The following CEMIP2 variants were observed in gnomAD, a reference collection of about 807,000 sequenced individuals.
CEMIP2 encodes the protein cell migration inducing hyaluronidase 2.
Under a neutral mutation model 146.9 loss-of-function variants are expected in CEMIP2, and 79 were observed. The observed-to-expected ratio is 0.54, with a 90% CI of 0.45 to 0.65. The LOEUF is 0.65. Ranked by LOEUF, CEMIP2 falls within the 30% of genes least tolerant of loss-of-function variation. The pLI, the probability that CEMIP2 is intolerant of heterozygous loss-of-function variation, is 0.00. For synonymous variants in CEMIP2, 601 were observed against 606.3 expected (o/e 0.99, Z 0.13); for missense variants, 1,596 against 1,696.2 (o/e 0.94, Z 1.04).
In CEMIP2 at chr9:71,700,565, G is replaced by A. The variant is rs544858223; in HGVS notation, c.3377+77C>T. On this transcript the variant is annotated intron_variant, in intron 19 of 23. Coordinates refer to ENST00000377044, the MANE Select transcript of CEMIP2 (RefSeq NM_013390.3). ...ACATCAGCTGCTTCACTAAACAGCC[G>A]CGATGCTGAAGAACTAGCAATTTCA... is the stretch of plus-strand genomic sequence containing the variant. 59 of 1,444,572 alleles carry A rather than the reference G, an allele frequency of 4.1e-5. 1 individual carries two copies. Among genetic ancestry groups the A allele is most frequent in the East Asian group, 3.7e-4 (16 of 43,584 alleles). 89.5% of individuals were successfully genotyped at this position (1,444,572 alleles called of 1,614,324 possible). A position where few individuals can be genotyped will look rare whatever the true frequency, so the allele number is the denominator to read the frequency against.
intron 2 of CEMIP2, among the ~76,000 whole-genome samples, chr9:71,748,631 T>C (rs1824156493): frequency 6.6e-6 from 1 of 152,188 alleles, no homozygotes; most frequent in South Asian, 2.1e-4. Context: ...TTGGTTATTA[T>C]GAATCAGCAC....
Position 71,685,865 on chromosome 9 carries a change from AAGTC to A in CEMIP2, c.3852-23_3852-20del. 1 of 1,575,632 alleles carries A rather than the reference AAGTC, an allele frequency of 6.3e-7. No homozygotes were observed. The highest frequency in any genetic ancestry group is 1.7e-4 in the Middle Eastern group (1 of 5,990). On this transcript the variant is annotated intron_variant, in intron 22 of 23. Coordinates refer to ENST00000377044, the MANE Select transcript of CEMIP2 (RefSeq NM_013390.3). ...AATGGACCTGTATGTGAAATTTAGA[AAGTC>A]AGAGCCAATTTCAATCCTTCAGCAT...
intron 1 of CEMIP2, among the ~76,000 whole-genome samples, chr9:71,754,427 T>C (rs1230674088): frequency 6.6e-6 from 1 of 152,222 alleles, no homozygotes; most frequent in Non-Finnish European, 1.5e-5. Context: ...AGCACCATTT[T>C]AATAATTTCG....
At chr9:71,693,340 G>T (rs1472242382) in intron 21 of CEMIP2, among the ~76,000 whole-genome samples, 1 of 152,222 alleles carries the variant, frequency 6.6e-6, no homozygotes, top group Non-Finnish European at 1.5e-5. Context: ...CAGGCCACAT[G>T]CTGAGACCTG....
intron 1 of CEMIP2, among the ~76,000 whole-genome samples, chr9:71,767,197 G>GT (rs529375271): frequency 5.6e-4 from 86 of 152,282 alleles, no homozygotes; most frequent in African/African-American, 1.3e-3. Context: ...TTTTAAAGGT[G>GT]TTTTTTTAAC....
Position 71,745,534 on chromosome 9 carries a change from G to A in CEMIP2, c.518C>T (p.Thr173Ile), listed in dbSNP as rs1824062654. Residue 173 changes from threonine to isoleucine, a missense_variant, in exon 4 of 24, where the codon ACT becomes ATT. By Grantham distance (89) the Thr-to-Ile change is moderately conservative (BLOSUM62 -1). Coordinates refer to ENST00000377044, the MANE Select transcript of CEMIP2 (RefSeq NM_013390.3). ...GDNKDGSRNI[T>I]LRTHYILIQD... ...GATCAGGATGTAATGAGTCCTCAAA[G>A]TAATATTTCTGGATCCATCTTTATT... is the stretch of plus-strand genomic sequence containing the variant. 1 of 1,612,760 alleles carries A rather than the reference G, an allele frequency of 6.2e-7. No individual in the cohort carries two copies. The highest frequency in any genetic ancestry group is 1.1e-5 in the South Asian group (1 of 91,082).
intron 10 of CEMIP2, among the ~76,000 whole-genome samples, chr9:71,727,681 T>C (rs976473720): frequency 1.3e-5 from 2 of 152,356 alleles, no homozygotes; most frequent in South Asian, 2.1e-4. Flanking sequence ...TGTATAAATA[T>C]GAATATTTAG....
intron 13 of CEMIP2, among the ~76,000 whole-genome samples, chr9:71,717,642 T>C (rs17057142): frequency 0.049 from 7,495 of 152,224 alleles, 272 homozygotes; most frequent in Admixed American, 0.1. Flanking sequence ...TCCAGGTAGT[T>C]TTATTTAGCG....
rs1589152292 is a variant in CEMIP2 at position 71,732,113 on chromosome 9, A to T, written c.1563+238T>A. 2.0e-5 allele frequency among the ~76,000 whole-genome samples: 3 copies of T among 152,038 alleles called. No individual in the cohort carries two copies. In the South Asian group the frequency reaches 6.2e-4, roughly 31 times the overall value. On this transcript the variant is annotated intron_variant, in intron 7 of 23. Coordinates refer to ENST00000377044, the MANE Select transcript of CEMIP2 (RefSeq NM_013390.3). ...GTCTCTGTAATTGGTTCTTCCCAAT[A>T]TATTGATTTGACTCTTCATGGAACA...
intron 22 of CEMIP2, among the ~76,000 whole-genome samples, chr9:71,688,006 G>T (rs1822118729): frequency 6.6e-6 from 1 of 152,108 alleles, no homozygotes; most frequent in South Asian, 2.1e-4. Context: ...ACAGGTATGT[G>T]CCCACATACC....
chr9:71,684,891 T>C lies in CEMIP2; in HGVS notation c.*306A>G. The C allele has an allele frequency of 3.9e-6, 1 of 259,692 alleles. No individual in the cohort carries two copies. The highest frequency in any genetic ancestry group is 7.2e-6 in the Non-Finnish European group (1 of 138,442). 16.1% of individuals were successfully genotyped at this position (259,692 alleles called of 1,614,324 possible). A position where few individuals can be genotyped will look rare whatever the true frequency, so the allele number is the denominator to read the frequency against. ...AAGCCCCCACTCCACCCCACCCCAT[T>C]ATACAAAAAGTAAAAACATTGCTCA... On this transcript the variant is annotated 3_prime_UTR_variant, in exon 24 of 24. Transcript: ENST00000377044.
chr9:71,745,181 G>T lies in CEMIP2; in HGVS notation c.871C>A (p.Arg291Ser). ...TCCTGAAGCCGCCTGCTCTCATTGC[G>T]GTATTCATGGGTATCAAATCTCTCA... ...ESERFDTHEY[R>S]NESRRLQEFL... Residue 291 changes from arginine (R) to serine (S), a missense_variant, in exon 4 of 24, where the codon CGC (arginine) becomes AGC (serine). Arg to Ser is a moderately radical substitution (Grantham distance 110). Coordinates refer to ENST00000377044, the MANE Select transcript of CEMIP2 (RefSeq NM_013390.3). 6.2e-7 allele frequency: 1 copy of T among 1,614,036 alleles called. No individual in the cohort carries two copies. Among genetic ancestry groups the T allele is most frequent in the Non-Finnish European group, 8.5e-7 (1 of 1,179,996 alleles).
chr9:71,750,310 G>T lies in CEMIP2; in HGVS notation c.64C>A (p.Arg22Ser), dbSNP rs781265947. The change falls in exon 2 of 24, where the codon CGT becomes AGT. Residue 22 changes from arginine (R) to serine (S), a missense_variant. By Grantham distance (110) the Arg-to-Ser change is moderately radical. Transcript: ENST00000377044. ...CCTGGAACATAGCCAGATGGGTGAC[G>T]ACTATTTCCATTCTGAGGTTGGAGG... is the stretch of plus-strand genomic sequence containing the variant. The part of the protein sequence containing the change: ...AFLQPQNGNS[R>S]HPSGYVPGKV... The T allele has an allele frequency of 5.0e-6, 8 of 1,613,698 alleles. No individual in the cohort carries two copies. Among genetic ancestry groups the T allele is most frequent in the Non-Finnish European group, 6.8e-6 (8 of 1,179,990 alleles).
chr9:71,735,187 C>G (rs1823729584), intron 5 of CEMIP2, among the ~76,000 whole-genome samples, 193 bp from the exon 6 acceptor site: 1 of 152,066 alleles, frequency 6.6e-6, no homozygotes, highest in South Asian at 2.1e-4. Flanking sequence ...AGAGAGATCC[C>G]TGCCTTCAAG....
chr9:71,695,001 G>C (rs7038736), intron 20 of CEMIP2, among the ~76,000 whole-genome samples: 57,858 of 151,970 alleles, frequency 0.38, 11,078 homozygotes, highest in South Asian at 0.44. Context: ...AGATAACAAG[G>C]ACTACCCTGT....
At chr9:71,749,909 G>GT in intron 2 of CEMIP2, 134 bp downstream of exon 2, 1 of 673,268 alleles carries the variant, frequency 1.5e-6, no homozygotes, top group Non-Finnish European at 2.4e-6. Flanking sequence ...TTCATAAGAA[G>GT]TGACACCTCG....
chr9:71,736,905 G>A (rs922285331), intron 5 of CEMIP2, among the ~76,000 whole-genome samples: 3 of 152,106 alleles, frequency 2.0e-5, no homozygotes, highest in African/African-American at 7.2e-5. Flanking sequence ...GATGGGCGTG[G>A]TGGCTTATTC....
At chr9:71,733,032 G>A (rs189966344) in intron 6 of CEMIP2, among the ~76,000 whole-genome samples, 68 of 152,076 alleles carry the variant, frequency 4.5e-4, no homozygotes, top group African/African-American at 1.5e-3. Flanking sequence ...CTGTCCATAC[G>A]CTCTTGGTCT....
chr9:71,700,564 C>T (rs575568515), intron 19 of CEMIP2, 78 bp downstream of exon 19: 118 of 1,440,416 alleles, frequency 8.2e-5, no homozygotes, highest in Non-Finnish European at 1.0e-4. Context: ...ACTAAACAGC[C>T]GCGATGCTGA....
Sources: gnomAD v4.1 joint callset for allele counts (sites outside exome capture counted in the v4.1 genomes callset) on GRCh38, gnomAD v4.1.1 for gene constraint, MANE v1.5 for transcripts, NCBI Gene and HGNC (gene_info 2026-07-23, HGNC 2026-07-21) for gene names.